The following GALNTL6 variants were observed in gnomAD, a reference collection of about 807,000 sequenced individuals.
GALNTL6 encodes polypeptide N-acetylgalactosaminyltransferase like 6.
GALNTL6 carries 46 observed loss-of-function variants against 73.7 expected under a neutral mutation model. That is an observed-to-expected ratio of 0.62 (90% CI 0.49 to 0.80). The LOEUF is 0.80. Among genes scored for constraint, GALNTL6 ranks in the 30% least tolerant of loss-of-function variants. The probability of loss-of-function intolerance (pLI) is 0.00; values close to 1 mark genes in which losing one functional copy is unlikely to be tolerated. For missense variants in GALNTL6, 604 were observed against 755.0 expected (o/e 0.80, Z 2.34); for synonymous variants, 259 against 263.7 (o/e 0.98, Z 0.17).
intron 2 of GALNTL6, among the ~76,000 whole-genome samples, chr4:171,847,221 C>T (rs376644125): frequency 1.3e-5 from 2 of 152,050 alleles, no homozygotes; most frequent in Admixed American, 6.6e-5. Context: ...AAGTGACTCA[C>T]ACATATTTTT....
intron 5 of GALNTL6, among the ~76,000 whole-genome samples, chr4:172,456,803 C>A (rs1458316982): frequency 6.6e-6 from 1 of 151,978 alleles, no homozygotes; most frequent in Non-Finnish European, 1.5e-5. Context: ...GGAGAACTTC[C>A]CCAACTTAGC....
At chr4:172,920,232 G>T (rs747467428) in intron 8 of GALNTL6, among the ~76,000 whole-genome samples, 7 of 152,092 alleles carry the variant, frequency 4.6e-5, no homozygotes, top group Admixed American at 1.3e-4. Flanking sequence ...AATAGAAAAG[G>T]GGGATCAGGA....
chr4:172,249,609 C>A (rs1190297187), intron 3 of GALNTL6, among the ~76,000 whole-genome samples: 5 of 152,128 alleles, frequency 3.3e-5, no homozygotes, highest in Admixed American at 6.5e-5. Context: ...GGCTCAGGGC[C>A]CCCCTGCTCT....
At chr4:172,080,329 T>G (rs1731842549) in intron 2 of GALNTL6, among the ~76,000 whole-genome samples, 4 of 152,078 alleles carry the variant, frequency 2.6e-5, no homozygotes, top group South Asian at 4.1e-4. Context: ...TACAGGCACA[T>G]GGTACCACAT....
In GALNTL6 at chr4:172,057,619, A is replaced by G. The variant is rs372371306; in HGVS notation, c.139-172037A>G. 3.0e-4 allele frequency among the ~76,000 whole-genome samples: 45 copies of G among 149,074 alleles called. 1 individual carries two copies. Among genetic ancestry groups the G allele is most frequent in the Middle Eastern group, 3.5e-3 (1 of 284 alleles). The stretch of plus-strand genomic sequence containing the variant: ...CTACTCCAGAGGTTGAGGCGGGAAG[A>G]TCGCTTGAGCATGGGAGGTTAAGGA... On this transcript the variant is annotated intron_variant, in intron 2 of 12. Transcript: ENST00000506823.
At chr4:171,945,240 T>A (rs1201053053) in intron 2 of GALNTL6, among the ~76,000 whole-genome samples, 1 of 152,136 alleles carries the variant, frequency 6.6e-6, no homozygotes, top group East Asian at 1.9e-4. Flanking sequence ...TTGAAACAGA[T>A]GCTGGTAATA....
chr4:171,904,193 T>G (rs1308373411), intron 2 of GALNTL6, among the ~76,000 whole-genome samples: 2 of 152,082 alleles, frequency 1.3e-5, no homozygotes, highest in Non-Finnish European at 2.9e-5. Flanking sequence ...ATCAAATTAC[T>G]CCAAGCTACA....
chr4:172,749,758 C>A (rs1342769483), intron 5 of GALNTL6, among the ~76,000 whole-genome samples: 2 of 151,802 alleles, frequency 1.3e-5, no homozygotes, highest in African/African-American at 4.8e-5. Context: ...AAAGAATTAG[C>A]ATCTTAATAT....
chr4:172,083,090 T>TA (rs1436588061), intron 2 of GALNTL6, among the ~76,000 whole-genome samples: 1 of 152,196 alleles, frequency 6.6e-6, no homozygotes, highest in Non-Finnish European at 1.5e-5. Context: ...ACTCACCTCT[T>TA]AATCTCATGC....
chr4:172,518,511 T>C, intron 5 of GALNTL6, among the ~76,000 whole-genome samples: 1 of 152,008 alleles, frequency 6.6e-6, no homozygotes, highest in East Asian at 1.9e-4. Flanking sequence ...ATGATAGGAT[T>C]TATGTGCCAT....
chr4:172,724,195 G>C (rs1735662405), intron 5 of GALNTL6, among the ~76,000 whole-genome samples: 1 of 152,058 alleles, frequency 6.6e-6, no homozygotes, highest in South Asian at 2.1e-4. Context: ...CACTTTTGAT[G>C]CTATTTAGAA....
chr4:172,836,212 C>T (rs1269385607), intron 7 of GALNTL6, among the ~76,000 whole-genome samples: 5 of 152,188 alleles, frequency 3.3e-5, no homozygotes, highest in South Asian at 2.1e-4. Flanking sequence ...CTTGCTTCTA[C>T]AATAGCAGGC....
At chr4:172,930,735 G>A (rs1748286110) in intron 8 of GALNTL6, among the ~76,000 whole-genome samples, 1 of 152,178 alleles carries the variant, frequency 6.6e-6, no homozygotes, top group Non-Finnish European at 1.5e-5. Flanking sequence ...AGGCTGAAGT[G>A]CAGTGGTGCA....
chr4:172,453,441 C>T (rs1160568547), intron 5 of GALNTL6, among the ~76,000 whole-genome samples: 1 of 152,134 alleles, frequency 6.6e-6, no homozygotes, highest in Non-Finnish European at 1.5e-5. Context: ...CTAACTCTCT[C>T]CTTGAAACCA....
At chr4:172,447,370 A>C (rs1452819554) in intron 5 of GALNTL6, among the ~76,000 whole-genome samples, 1 of 152,108 alleles carries the variant, frequency 6.6e-6, no homozygotes, top group Non-Finnish European at 1.5e-5. Flanking sequence ...TGGCTTTGCA[A>C]TTTAAAGGGA....
At chr4:171,836,352 A>C (rs1735094582) in intron 2 of GALNTL6, among the ~76,000 whole-genome samples, 1 of 152,246 alleles carries the variant, frequency 6.6e-6, no homozygotes, top group South Asian at 2.1e-4. Flanking sequence ...TTTGGGGGCA[A>C]CAATGACCGT....
intron 2 of GALNTL6, among the ~76,000 whole-genome samples, chr4:172,201,858 G>T (rs1486877920): frequency 6.6e-6 from 1 of 152,148 alleles, no homozygotes; most frequent in Admixed American, 6.6e-5. Flanking sequence ...GCACTCTCCT[G>T]CAGAAACAGA....
chr4:172,098,714 G>A (rs929301836), intron 2 of GALNTL6, among the ~76,000 whole-genome samples: 4 of 152,188 alleles, frequency 2.6e-5, no homozygotes, highest in African/African-American at 9.7e-5. Flanking sequence ...AATGTTTCTT[G>A]CCATTTTCTT....
At chr4:172,159,811 G>A (rs1479215160) in intron 2 of GALNTL6, among the ~76,000 whole-genome samples, 1 of 152,140 alleles carries the variant, frequency 6.6e-6, no homozygotes, top group Non-Finnish European at 1.5e-5. Context: ...AATCTCCCTA[G>A]CTTTTGTGTG....
Sources: allele counts gnomAD v4.1 joint callset (sites outside exome capture counted in the v4.1 genomes callset), GRCh38; gene constraint gnomAD v4.1.1; transcripts MANE v1.5; gene names NCBI Gene and HGNC (gene_info 2026-07-23, HGNC 2026-07-21).